KCNIP2: variants seen among roughly 807,000 people sequenced by gnomAD.
KCNIP2 encodes A-type potassium channel modulatory protein KCNIP2.
In KCNIP2, 19 loss-of-function variants were observed where a neutral mutation model predicts 39.0. The observed-to-expected ratio is 0.49, with a 90% CI of 0.34 to 0.71. The LOEUF is 0.71. Ranked by LOEUF, KCNIP2 falls within the 30% of genes least tolerant of loss-of-function variation. KCNIP2 has a pLI of 0.01. For synonymous variants in KCNIP2, 111 were observed against 131.2 expected (o/e 0.85, Z 1.05); for missense variants, 261 against 346.0 (o/e 0.75, Z 1.95).
chr10:101,840,104 A>G (rs1203655401), intron 1 of KCNIP2, among the ~76,000 whole-genome samples: 2 of 149,344 alleles, frequency 1.3e-5, no homozygotes, highest in African/African-American at 5.0e-5. Context: ...CAGCCTTCTC[A>G]GGGAGCATTT....
chr10:101,830,354 A>C, intron 2 of KCNIP2: 5 of 1,234,930 alleles, frequency 4.0e-6, no homozygotes, highest in Non-Finnish European at 5.3e-6. Context: ...GTCGGGGCAT[A>C]GGCAACACAC....
At position 101,843,799 on chromosome 10, in the gene KCNIP2, C is replaced by G. The variant is rs2066404246; in HGVS notation, c.-231G>C. 2.9e-6 allele frequency: 1 copy of G among 347,852 alleles called. No homozygotes were observed. The highest frequency in any genetic ancestry group is 5.2e-6 in the Non-Finnish European group (1 of 194,084). 21.5% of individuals were successfully genotyped at this position (347,852 alleles called of 1,614,324 possible). A position where few individuals can be genotyped will look rare whatever the true frequency, so the allele number is the denominator to read the frequency against. Reference sequence around the variant, plus strand: ...GCGCAGAGCCGGAGGCAGAGCGGAGCTGAGCGCGGAGCCGAGCCGAGCTGC... The same window carrying G: ...GCGCAGAGCCGGAGGCAGAGCGGAGGTGAGCGCGGAGCCGAGCCGAGCTGC... On this transcript the variant is annotated 5_prime_UTR_variant, in exon 1 of 10. Transcript: ENST00000356640. The surrounding 1 kb of genome is among the most constrained non-coding windows in gnomAD (Gnocchi z 6.7).
intron 8 of KCNIP2, 65 bp from the exon 9 acceptor site, chr10:101,827,816 G>A (rs1262400778): frequency 7.8e-6 from 12 of 1,536,382 alleles, no homozygotes; most frequent in Non-Finnish European, 1.1e-5. Context: ...ACAGAAGTCA[G>A]GTGAGTTCCC....
At position 101,828,077 on chromosome 10, in the gene KCNIP2, A is replaced by G; in HGVS notation, c.597+74T>C. The G allele has an allele frequency of 1.9e-6, 3 of 1,545,498 alleles. No individual in the cohort carries two copies. The highest frequency in any genetic ancestry group is 2.7e-6 in the Non-Finnish European group (3 of 1,118,064). ...TTGCTTGTGGGCATATGTGGGTCAT[A>G]TTTCCCTCCCATCACCCTCTGCACG... is the stretch of plus-strand genomic sequence containing the variant. On this transcript the variant is annotated intron_variant, in intron 7 of 9. Transcript: ENST00000356640. This position sits in a 1 kb window ranked among gnomAD's most constrained non-coding sequence, Gnocchi z 6.6.
chr10:101,829,920 G>A (rs1265256236), intron 2 of KCNIP2, 23 bp from the exon 3 acceptor site: 4 of 1,542,340 alleles, frequency 2.6e-6, no homozygotes, highest in Non-Finnish European at 1.7e-6. Flanking sequence ...AACTGTCACC[G>A]AGAAAGCGGA....
Position 101,827,696 on chromosome 10 carries a change from C to T in KCNIP2, c.758G>A (p.Cys253Tyr). 6.2e-7 allele frequency: 1 copy of T among 1,614,120 alleles called. No homozygotes were observed. The highest frequency in any genetic ancestry group is 8.5e-7 in the Non-Finnish European group (1 of 1,179,972). The change falls in exon 9 of 10, where the codon TGT becomes TAT. Residue 253 changes from cysteine to tyrosine, a missense_variant. Physicochemically the swap from Cys to Tyr is radical, Grantham distance 194. Transcript: ENST00000356640. Reference sequence around the variant, plus strand: ...GAGGGCAGGGAGCTGTACCTTTTGACAAGACTCAATGAATTCCTCAATGGT... The same window carrying T: ...GAGGGCAGGGAGCTGTACCTTTTGATAAGACTCAATGAATTCCTCAATGGT... ...VVTIEEFIES[C>Y]QKDENIMRSM...
Position 101,826,264 on chromosome 10 carries a change from A to G in KCNIP2, c.*1089T>C, listed in dbSNP as rs2065747043. ...CTCTGGGTAGATTGAGTCAAGCAAG[A>G]AGAGACCCTAGGGAACTGAGGAGGT... On this transcript the variant is annotated 3_prime_UTR_variant, in exon 10 of 10. Transcript: ENST00000356640. 1 of 152,552 alleles carries G rather than the reference A, an allele frequency of 6.6e-6. No homozygotes were observed. Among genetic ancestry groups the G allele is most frequent in the South Asian group, 2.1e-4 (1 of 4,824 alleles). 9.4% of individuals were successfully genotyped at this position (152,552 alleles called of 1,614,324 possible). A position where few individuals can be genotyped will look rare whatever the true frequency, so the allele number is the denominator to read the frequency against.
intron 1 of KCNIP2, among the ~76,000 whole-genome samples, chr10:101,832,640 C>T (rs530204185): frequency 1.3e-5 from 2 of 152,188 alleles, no homozygotes; most frequent in Admixed American, 6.5e-5. Flanking sequence ...GCAGGGGGAT[C>T]GATGGCATTC....
Position 101,831,159 on chromosome 10 carries a change from G to T in KCNIP2, c.82C>A (p.Pro28Thr). ...GSYDQLTGHP[P>T]GPTKKALKQR... ...TTCAGCGCTTTTTTAGTGGGCCCTG[G>T]AGGGTGGCCTGGGAAGAGAGAAGAC... Residue 28 changes from proline to threonine, a missense_variant, in exon 2 of 10, where the codon CCA (proline) becomes ACA (threonine). Coordinates refer to ENST00000356640, the MANE Select transcript of KCNIP2 (RefSeq NM_173191.3). The T allele has an allele frequency of 6.2e-7, 1 of 1,605,682 alleles. No individual in the cohort carries two copies. Among genetic ancestry groups the T allele is most frequent in the South Asian group, 1.1e-5 (1 of 89,554 alleles).
At position 101,829,908 on chromosome 10, in the gene KCNIP2, C is replaced by T; in HGVS notation, c.170-11G>A. 1 of 1,538,536 alleles carries T rather than the reference C, an allele frequency of 6.5e-7. No homozygotes were observed. The highest frequency in any genetic ancestry group is 1.2e-5 in the South Asian group (1 of 82,322). ...CTGGGGCGGCTAATGCTGAAGGGAGCGAACTGTCACCGAGAAAGCGGAAGA... is the reference window on the plus strand; with the variant it reads ...CTGGGGCGGCTAATGCTGAAGGGAGTGAACTGTCACCGAGAAAGCGGAAGA... On this transcript the variant is annotated splice_polypyrimidine_tract_variant and intron_variant, in intron 2 of 9. Transcript: ENST00000356640.
At chr10:101,830,669 C>T (rs1447148333) in intron 2 of KCNIP2, among the ~76,000 whole-genome samples, 2 of 147,914 alleles carry the variant, frequency 1.4e-5, no homozygotes, top group Middle Eastern at 3.2e-3. Flanking sequence ...GCCCTCGCCA[C>T]GCTGGTCACG....
chr10:101,828,287 C>T lies in KCNIP2; in HGVS notation c.490-29G>A. The T allele has an allele frequency of 3.1e-6, 5 of 1,611,262 alleles. No individual in the cohort carries two copies. Among genetic ancestry groups the T allele is most frequent in the Non-Finnish European group, 4.2e-6 (5 of 1,177,398 alleles). ...GGAAGGAGGCAGGAGGGAGCTGTGT[C>T]CTCGGGTACTCTTCACCCAACTCCT... is the stretch of plus-strand genomic sequence containing the variant. On this transcript the variant is annotated intron_variant, in intron 6 of 9. Transcript: ENST00000356640. This position sits in a 1 kb window ranked among gnomAD's most constrained non-coding sequence, Gnocchi z 6.6.
intron 3 of KCNIP2, 60 bp downstream of exon 3, chr10:101,829,784 C>A: frequency 1.4e-6 from 1 of 690,850 alleles, no homozygotes; most frequent in South Asian, 2.3e-5. Flanking sequence ...CAAGTGCCCC[C>A]CACCCCAAGA....
chr10:101,829,888 G>T lies in KCNIP2; in HGVS notation c.179C>A (p.Ala60Asp). ...TCTGTGGGGGCGGAGGGAGGCTGGG[G>T]CGGCTAATGCTGAAGGGAGCGAACT... ...ALPSVSETLAAPASLRPHRPR... is the reference protein window; with the variant it reads ...ALPSVSETLADPASLRPHRPR... The change falls in exon 3 of 10, where the codon GCC (alanine) becomes GAC (aspartate). Residue 60 changes from alanine to aspartate, a missense_variant. By Grantham distance (126) the Ala-to-Asp change is moderately radical (BLOSUM62 -2). Coordinates refer to ENST00000356640, the MANE Select transcript of KCNIP2 (RefSeq NM_173191.3). 1 of 1,519,080 alleles carries T rather than the reference G, an allele frequency of 6.6e-7. No individual in the cohort carries two copies. The highest frequency in any genetic ancestry group is 2.6e-5 in the East Asian group (1 of 38,168). 94.1% of individuals were successfully genotyped at this position (1,519,080 alleles called of 1,614,324 possible).
intron 1 of KCNIP2, chr10:101,839,941 G>GCCGGC: frequency 8.5e-7 from 1 of 1,170,350 alleles, no homozygotes; most frequent in Non-Finnish European, 1.2e-6. Flanking sequence ...GCGCGGGAGG[G>GCCGGC]CCGGCCCGGC....
In KCNIP2 at chr10:101,837,260, G is replaced by A. The variant is rs145926306; in HGVS notation, c.74-6093C>T. On this transcript the variant is annotated intron_variant, in intron 1 of 9. Transcript: ENST00000356640. Reference sequence around the variant, plus strand: ...TACAGCTGACATGGTCAGAGTGAGTGATAGTATACCCATTTTGCAGATGAA... The same window carrying A: ...TACAGCTGACATGGTCAGAGTGAGTAATAGTATACCCATTTTGCAGATGAA... Among the ~76,000 whole-genome samples the A allele has an allele frequency of 2.6e-5, 4 of 152,254 alleles. No individual in the cohort carries two copies. In the East Asian group the frequency reaches 7.7e-4, roughly 29 times the overall value.
intron 2 of KCNIP2, 167 bp from the exon 3 acceptor site, chr10:101,830,064 C>T: frequency 1.3e-6 from 1 of 784,154 alleles, no homozygotes; most frequent in Non-Finnish European, 2.1e-6. Flanking sequence ...GCTTGCGGGA[C>T]TCACGCCTGT....
At chr10:101,836,101 T>TGG (rs1454992186) in intron 1 of KCNIP2, among the ~76,000 whole-genome samples, 1 of 152,006 alleles carries the variant, frequency 6.6e-6, no homozygotes, top group Non-Finnish European at 1.5e-5. Context: ...ATTTGTGGGG[T>TGG]GGGGGCCAGT....
At position 101,828,796 on chromosome 10, in the gene KCNIP2, C is replaced by T. The variant is rs1280496054; in HGVS notation, c.349-100G>A. The stretch of plus-strand genomic sequence containing the variant: ...CAAGACTCCCAGGGAGGGGGATAAT[C>T]TTCAAGCCTCCAGAGGACTCACCAC... On this transcript the variant is annotated intron_variant, in intron 4 of 9. Transcript: ENST00000356640. This position sits in a 1 kb window ranked among gnomAD's most constrained non-coding sequence, Gnocchi z 6.6. The T allele has an allele frequency of 6.2e-7, 1 of 1,603,338 alleles. No homozygotes were observed. Among genetic ancestry groups the T allele is most frequent in the Non-Finnish European group, 8.5e-7 (1 of 1,174,710 alleles).
Sources: allele counts gnomAD v4.1 joint callset (sites outside exome capture counted in the v4.1 genomes callset), GRCh38; gene constraint gnomAD v4.1.1; non-coding constraint Gnocchi (gnomAD v3.1); transcripts MANE v1.5; gene names NCBI Gene and HGNC (gene_info 2026-07-23, HGNC 2026-07-21).